Variants in FBN2 observed in about 807,000 individuals in gnomAD.
FBN2 encodes fibrillin 2.
Under a neutral mutation model 355.6 loss-of-function variants are expected in FBN2, and 105 were observed. The ratio of observed to expected loss-of-function variants is 0.30; its 90% CI spans 0.25 to 0.35. FBN2 has a LOEUF of 0.35. Among genes scored for constraint, FBN2 ranks in the 10% least tolerant of loss-of-function variants. FBN2 has a pLI of 1.00. For synonymous variants in FBN2, 1,350 were observed against 1,301.2 expected (o/e 1.04, Z -0.81); for missense variants, 3,280 against 3,758.7 (o/e 0.87, Z 3.33).
Position 128,331,930 on chromosome 5 carries a change from G to A in FBN2, c.4222+982C>T, listed in dbSNP as rs191037038. Among the ~76,000 whole-genome samples the A allele has an allele frequency of 3.0e-4, 46 of 152,264 alleles. 1 individual carries two copies. The highest frequency in any genetic ancestry group is 5.2e-4 in the Admixed American group (8 of 15,292). On this transcript the variant is annotated intron_variant, in intron 32 of 64. Transcript: ENST00000262464. Reference sequence around the variant, plus strand: ...TAGGCACATGGGGCTACGAAAATGGGAATGAGGGTATGGTTGAAAAGTTAT... The same window carrying A: ...TAGGCACATGGGGCTACGAAAATGGAAATGAGGGTATGGTTGAAAAGTTAT...
rs566359347 is a variant in FBN2, at chr5:128,537,669, C to A, written c.-66G>T. The A allele has an allele frequency of 6.6e-7, 1 of 1,513,156 alleles. No homozygotes were observed. Among genetic ancestry groups the A allele is most frequent in the African/African-American group, 1.4e-5 (1 of 73,098 alleles). 93.7% of individuals were successfully genotyped at this position (1,513,156 alleles called of 1,614,324 possible). A position where few individuals can be genotyped will look rare whatever the true frequency, so the allele number is the denominator to read the frequency against. Reference sequence around the variant, plus strand: ...GGAGTGATCAAAGACAAAATCTGCGCGCCTCAGAAAAGAGTCAGGGTCTAA... The same window carrying A: ...GGAGTGATCAAAGACAAAATCTGCGAGCCTCAGAAAAGAGTCAGGGTCTAA... On this transcript the variant is annotated 5_prime_UTR_variant, in exon 1 of 65. Transcript: ENST00000262464.
At chr5:128,379,648 G>A (rs1049506720) in intron 11 of FBN2, among the ~76,000 whole-genome samples, 1 of 152,112 alleles carries the variant, frequency 6.6e-6, no homozygotes, top group African/African-American at 2.4e-5. Context: ...CCCATTGCAG[G>A]ATTCAGGGGC....
At chr5:128,431,368 G>A (rs1753622214) in intron 7 of FBN2, among the ~76,000 whole-genome samples, 1 of 152,200 alleles carries the variant, frequency 6.6e-6, no homozygotes, top group Non-Finnish European at 1.5e-5. Flanking sequence ...CTGAAACCAT[G>A]CATGGTACTG....
At chr5:128,272,148 T>C (rs766752822) in intron 61 of FBN2, 30 bp from the exon 62 acceptor site, 13 of 1,613,598 alleles carry the variant, frequency 8.1e-6, no homozygotes, top group East Asian at 4.5e-5. Flanking sequence ...AAAACCTTTA[T>C]GTCACCTTTC....
rs1581181343 is a variant in FBN2, at chr5:128,276,093, A to G, written c.7539T>C (p.Tyr2513=). The G allele has an allele frequency of 9.3e-6, 15 of 1,613,808 alleles. No homozygotes were observed. Among genetic ancestry groups the G allele is most frequent in the Non-Finnish European group, 1.3e-5 (15 of 1,179,746 alleles). Residue 2513 remains tyrosine, a synonymous_variant, in exon 59 of 65, where the codon TAT becomes TAC. Coordinates refer to ENST00000262464, the MANE Select transcript of FBN2 (RefSeq NM_001999.4). ...CATACCCCCTCGGACATGAACACTG[A>G]TAACTCCCCTCAGTGTTCTTGCAGA... is the stretch of plus-strand genomic sequence containing the variant. ...NYICKNTEGS[Y]QCSCPRGYVL...
chr5:128,512,537 A>T (rs936805659), intron 5 of FBN2, among the ~76,000 whole-genome samples: 8 of 148,726 alleles, frequency 5.4e-5, no homozygotes, highest in Non-Finnish European at 1.0e-4. Flanking sequence ...AAAAAAAAGC[A>T]TATCAGATCT....
chr5:128,451,021 G>A (rs901497383), intron 6 of FBN2, among the ~76,000 whole-genome samples: 3 of 152,012 alleles, frequency 2.0e-5, no homozygotes, highest in Admixed American at 6.5e-5. Context: ...TTTATTTAAC[G>A]AGAATAAAAC....
At chr5:128,335,345 A>G (rs373355096) in intron 29 of FBN2, 50 bp from the exon 30 acceptor site, 18 of 1,613,516 alleles carry the variant, frequency 1.1e-5, no homozygotes, top group Non-Finnish European at 1.3e-5. Context: ...TCGTTCATCA[A>G]TCTCAAATGT....
chr5:128,315,055 G>C (rs1750164728), intron 36 of FBN2, among the ~76,000 whole-genome samples: 1 of 152,106 alleles, frequency 6.6e-6, no homozygotes, highest in Non-Finnish European at 1.5e-5. Context: ...AGGAATTGTT[G>C]ATTCACAGGA....
At chr5:128,497,489 GT>G (rs1755687547) in intron 5 of FBN2, among the ~76,000 whole-genome samples, 1 of 152,174 alleles carries the variant, frequency 6.6e-6, no homozygotes, top group Non-Finnish European at 1.5e-5. Context: ...GATTTGCTTT[GT>G]TGTCATCGTA....
At chr5:128,260,794 CT>C (rs142902463) in intron 64 of FBN2, among the ~76,000 whole-genome samples, 2,932 of 152,268 alleles carry the variant, frequency 0.019, 99 homozygotes, top group African/African-American at 0.067. Flanking sequence ...GCCCAAAAAA[CT>C]GAAGCAAGTT....
chr5:128,468,460 C>G (rs1209820129), intron 5 of FBN2, among the ~76,000 whole-genome samples: 1 of 152,172 alleles, frequency 6.6e-6, no homozygotes, highest in Non-Finnish European at 1.5e-5. Context: ...AGTGGAACTA[C>G]TTATTTGACA....
At chr5:128,405,239 G>A (rs909683100) in intron 8 of FBN2, among the ~76,000 whole-genome samples, 1 of 152,142 alleles carries the variant, frequency 6.6e-6, no homozygotes, top group African/African-American at 2.4e-5. Flanking sequence ...GACTTAAAGG[G>A]TGAGCTGGAT....
chr5:128,336,169 C>A, intron 27 of FBN2, 56 bp from the exon 28 acceptor site: 1 of 1,573,446 alleles, frequency 6.4e-7, no homozygotes, highest in South Asian at 1.1e-5. Context: ...CTAAAGCCAT[C>A]AGAAAGGTGC....
chr5:128,395,393 A>T lies in FBN2; in HGVS notation c.1079-119T>A, dbSNP rs929250422. 3.1e-5 allele frequency: 33 copies of T among 1,067,316 alleles called. No homozygotes were observed. In the Admixed American group the frequency reaches 4.0e-4, roughly 13 times the overall value. The allele number at this position is 1,067,316 out of a possible 1,614,324, so 66.1% of individuals were successfully genotyped here. A position where few individuals can be genotyped will look rare whatever the true frequency, so the allele number is the denominator to read the frequency against. On this transcript the variant is annotated intron_variant, in intron 8 of 64. Coordinates refer to ENST00000262464, the MANE Select transcript of FBN2 (RefSeq NM_001999.4). ...TCATACCACTTAATCTCTGTTATCT[A>T]TTCCTTTCTTCACTCTCTTAATATC... is the stretch of plus-strand genomic sequence containing the variant.
intron 16 of FBN2, among the ~76,000 whole-genome samples, chr5:128,366,637 C>A (rs1046315056): frequency 1.2e-4 from 18 of 151,978 alleles, no homozygotes; most frequent in Non-Finnish European, 8.8e-5. Context: ...CACTTGTAAT[C>A]ATCATCCTGA....
At position 128,332,873 on chromosome 5, in the gene FBN2, T is replaced by G. The variant is rs769811621; in HGVS notation, c.4222+39A>C. On this transcript the variant is annotated intron_variant, in intron 32 of 64. Coordinates refer to ENST00000262464, the MANE Select transcript of FBN2 (RefSeq NM_001999.4). ...CATGCAAAAAAGAGCCTTTAAAAAT[T>G]TGTGCCTTAGCAAAGGATATTTACA... 3.7e-6 allele frequency: 6 copies of G among 1,608,402 alleles called. No individual in the cohort carries two copies. In the African/African-American group the frequency reaches 6.7e-5, roughly 18 times the overall value.
intron 20 of FBN2, among the ~76,000 whole-genome samples, chr5:128,353,038 T>C (rs1751408861): frequency 1.3e-5 from 2 of 151,976 alleles, no homozygotes; most frequent in African/African-American, 4.8e-5. Flanking sequence ...CTGGGAGTGA[T>C]GGCACATGCC....
intron 4 of FBN2, among the ~76,000 whole-genome samples, chr5:128,520,227 G>A (rs1057311982): frequency 2.6e-5 from 4 of 152,084 alleles, no homozygotes; most frequent in African/African-American, 7.2e-5. Context: ...CTGAACTGCC[G>A]TGCACTGCAA....
Sources: allele counts gnomAD v4.1 joint callset (sites outside exome capture counted in the v4.1 genomes callset), GRCh38; gene constraint gnomAD v4.1.1; transcripts MANE v1.5; gene names NCBI Gene and HGNC (gene_info 2026-07-23, HGNC 2026-07-21).